CPNE8: variants seen among roughly 807,000 people sequenced by gnomAD.
The protein encoded by CPNE8 is copine-8.
CPNE8 carries 45 observed loss-of-function variants against 81.5 expected under a neutral mutation model. The ratio of observed to expected loss-of-function variants is 0.55; its 90% CI spans 0.44 to 0.71. The LOEUF is 0.71. CPNE8 is among the 30% of genes least tolerant of loss of function. The pLI is 0.00. For synonymous variants in CPNE8, 252 were observed against 226.3 expected (o/e 1.11, Z -1.02); for missense variants, 594 against 672.1 (o/e 0.88, Z 1.28).
chr12:38,761,160 G>A (rs1054249652), intron 9 of CPNE8, among the ~76,000 whole-genome samples: 54 of 152,228 alleles, frequency 3.5e-4, no homozygotes, highest in African/African-American at 1.2e-3. Flanking sequence ...TCAAAGGGAT[G>A]GTATGCACCC....
At position 38,725,761 on chromosome 12, in the gene CPNE8, G is replaced by A. The variant is rs544139856; in HGVS notation, c.799-862C>T. On this transcript the variant is annotated intron_variant, in intron 11 of 19. Transcript: ENST00000331366. ...GCTGGGGCAGAGAGCCCACACAACC[G>A]GATCAGAAGTGAATCTGAAAAAATA... Among the ~76,000 whole-genome samples the A allele has an allele frequency of 4.6e-5, 7 of 152,300 alleles. No individual in the cohort carries two copies. In the South Asian group the frequency reaches 6.2e-4, roughly 14 times the overall value.
chr12:38,758,329 C>T (rs914764493), intron 10 of CPNE8, among the ~76,000 whole-genome samples: 1 of 136,668 alleles, frequency 7.3e-6, no homozygotes, highest in Admixed American at 7.7e-5. Context: ...CCAAGAAATG[C>T]TTTACCCATT....
chr12:38,704,914 T>A (rs2136696357), intron 13 of CPNE8, among the ~76,000 whole-genome samples: 1 of 115,366 alleles, frequency 8.7e-6, no homozygotes, highest in Middle Eastern at 5.0e-3. Context: ...TGAATTAGTT[T>A]AGTTTTTTTT....
At chr12:38,737,826 TCTC>T (rs2136783893) in intron 10 of CPNE8, among the ~76,000 whole-genome samples, 1 of 31,382 alleles carries the variant, frequency 3.2e-5, no homozygotes, top group Admixed American at 3.4e-4. Flanking sequence ...ATACTCATTC[TCTC>T]TCTCTCTCTC....
chr12:38,826,164 A>G (rs1203625697), intron 6 of CPNE8, among the ~76,000 whole-genome samples: 2 of 152,232 alleles, frequency 1.3e-5, no homozygotes, highest in African/African-American at 2.4e-5. Context: ...GAAATCTTCC[A>G]CTGCTCAAAC....
chr12:38,891,622 T>C (rs1403621253), intron 1 of CPNE8, among the ~76,000 whole-genome samples: 2 of 152,118 alleles, frequency 1.3e-5, no homozygotes, highest in Non-Finnish European at 2.9e-5. Flanking sequence ...TAATTTTGTA[T>C]TTTTAGTAGA....
intron 1 of CPNE8, 136 bp from the exon 2 acceptor site, chr12:38,874,647 A>ATGTGTG: frequency 2.0e-6 from 1 of 506,486 alleles, no homozygotes; most frequent in Non-Finnish European, 3.5e-6. Flanking sequence ...ATACATATAT[A>ATGTGTG]TGACTAAATA....
chr12:38,895,357 T>A (rs1230117928), intron 1 of CPNE8, among the ~76,000 whole-genome samples: 2 of 152,072 alleles, frequency 1.3e-5, no homozygotes, highest in Non-Finnish European at 2.9e-5. Flanking sequence ...CTGAGGTCAA[T>A]TCTCAATTCC....
chr12:38,877,556 G>T (rs1386104914), intron 1 of CPNE8, among the ~76,000 whole-genome samples: 3 of 151,884 alleles, frequency 2.0e-5, no homozygotes, highest in African/African-American at 7.3e-5. Flanking sequence ...TAATACAAAA[G>T]AACAAATTCT....
chr12:38,847,136 C>T (rs372792534), intron 4 of CPNE8, among the ~76,000 whole-genome samples: 3 of 151,714 alleles, frequency 2.0e-5, no homozygotes, highest in African/African-American at 7.3e-5. Flanking sequence ...TAAAAGGAAG[C>T]TTTCATTTTA....
At chr12:38,846,094 A>G (rs1943555456) in intron 4 of CPNE8, among the ~76,000 whole-genome samples, 1 of 152,170 alleles carries the variant, frequency 6.6e-6, no homozygotes, top group African/African-American at 2.4e-5. Context: ...TAGTTTCCTG[A>G]CACTCTGAGA....
intron 13 of CPNE8, among the ~76,000 whole-genome samples, chr12:38,708,110 C>T (rs1016955385): frequency 2.0e-5 from 3 of 152,106 alleles, no homozygotes; most frequent in Non-Finnish European, 4.4e-5. Flanking sequence ...CTAAGAGTTT[C>T]CATTCATATT....
chr12:38,839,931 G>A lies in CPNE8; in HGVS notation c.315C>T (p.Pro105=). Residue 105 remains proline, a synonymous_variant, in exon 5 of 20, where the codon CCC becomes CCT. Transcript: ENST00000331366. ...FDLYDVDSKS[P]NLSKHDFLGQ... ...ATGAACTTACATGTTTGGATAAGTT[G>A]GGGCTCTTTGAATCAACATCATACC... 6.3e-7 allele frequency: 1 copy of A among 1,581,010 alleles called. No homozygotes were observed. The highest frequency in any genetic ancestry group is 8.6e-7 in the Non-Finnish European group (1 of 1,157,224).
At chr12:38,848,702 C>T (rs371892107) in intron 3 of CPNE8, 40 bp from the exon 4 acceptor site, 91 of 1,544,700 alleles carry the variant, frequency 5.9e-5, no homozygotes, top group East Asian at 3.3e-4. Flanking sequence ...AAACCTTGTA[C>T]GGCTACTTAT....
chr12:38,679,160 G>T (rs1040436764), intron 16 of CPNE8, among the ~76,000 whole-genome samples: 1 of 151,710 alleles, frequency 6.6e-6, no homozygotes, highest in African/African-American at 2.4e-5. Context: ...AAGTACAACA[G>T]TATAGCTTTT....
intron 13 of CPNE8, among the ~76,000 whole-genome samples, chr12:38,714,511 T>C (rs1197523031): frequency 6.6e-6 from 1 of 152,028 alleles, no homozygotes; most frequent in Non-Finnish European, 1.5e-5. Flanking sequence ...CATCAGTGTT[T>C]ATTACACTAT....
intron 10 of CPNE8, among the ~76,000 whole-genome samples, chr12:38,758,053 T>G (rs1051257553): frequency 6.6e-6 from 1 of 152,170 alleles, no homozygotes; most frequent in African/African-American, 2.4e-5. Context: ...CTAAATAGTT[T>G]CTTTGCTTTT....
chr12:38,705,813 T>C (rs1402140972), intron 13 of CPNE8, among the ~76,000 whole-genome samples: 3 of 152,070 alleles, frequency 2.0e-5, no homozygotes, highest in Non-Finnish European at 4.4e-5. Flanking sequence ...TTCAAAACTC[T>C]TGGAGGGCAG....
At chr12:38,844,245 A>G (rs1943517988) in intron 4 of CPNE8, among the ~76,000 whole-genome samples, 1 of 152,150 alleles carries the variant, frequency 6.6e-6, no homozygotes. Context: ...TCTGAATGGA[A>G]AAACGAATGA....
Sources: allele counts gnomAD v4.1 joint callset (sites outside exome capture counted in the v4.1 genomes callset), GRCh38; gene constraint gnomAD v4.1.1; transcripts MANE v1.5; gene names NCBI Gene and HGNC (gene_info 2026-07-23, HGNC 2026-07-21).